TMEM245: variants seen among roughly 807,000 people sequenced by gnomAD.
TMEM245 encodes the protein protein CG-2.
In TMEM245, 69 loss-of-function variants were observed where a neutral mutation model predicts 101.2. The observed-to-expected ratio is 0.68, with a 90% CI of 0.56 to 0.83. TMEM245 has a LOEUF of 0.83. Ranked by LOEUF, TMEM245 falls within the 40% of genes least tolerant of loss-of-function variation. The pLI is 0.00. For missense variants in TMEM245, 1,075 were observed against 1,092.8 expected, an observed-to-expected ratio of 0.98 and a Z score of 0.23; for synonymous variants, 537 against 449.8, an observed-to-expected ratio of 1.19 and a Z score of -2.45.
intron 1 of TMEM245, among the ~76,000 whole-genome samples, chr9:109,113,417 C>CAGAT (rs1830623996): frequency 6.6e-6 from 1 of 152,180 alleles, no homozygotes; most frequent in Non-Finnish European, 1.5e-5. Flanking sequence ...GCCACAGTTA[C>CAGAT]AGATAAGAGG....
chr9:109,047,326 A>G (rs1382237353), intron 14 of TMEM245, among the ~76,000 whole-genome samples: 1 of 152,230 alleles, frequency 6.6e-6, no homozygotes, highest in Non-Finnish European at 1.5e-5. Flanking sequence ...CTAATTTGTA[A>G]AAGACTGATT....
chr9:109,107,007 C>T (rs1178496749), intron 2 of TMEM245, among the ~76,000 whole-genome samples: 4 of 151,032 alleles, frequency 2.6e-5, no homozygotes, highest in Non-Finnish European at 5.9e-5. Flanking sequence ...TACCACCGGG[C>T]GTGAACTTTC....
chr9:109,060,419 T>G lies in TMEM245; in HGVS notation c.1657A>C (p.Thr553Pro), dbSNP rs772367547. 2 of 1,613,664 alleles carry G rather than the reference T, an allele frequency of 1.2e-6. No homozygotes were observed. The highest frequency in any genetic ancestry group is 1.7e-6 in the Non-Finnish European group (2 of 1,179,714). ...AGTACTTGCTTTTCAATTACAGCAG[T>G]ATTGTTCACCTTATCTCCTAGAATT... ...HKILGDKVNNTAVIEKQVLEL... is the reference protein window; with the variant it reads ...HKILGDKVNNPAVIEKQVLEL... The change falls in exon 11 of 18, where the codon ACT becomes CCT. Residue 553 changes from threonine to proline, a missense_variant. Around this residue, in one of 2 missense-constraint regions of TMEM245, gnomAD observed 808 missense variants for 741.5 expected, o/e 1.09. Coordinates refer to ENST00000374586, the MANE Select transcript of TMEM245 (RefSeq NM_032012.4).
chr9:109,068,894 G>C (rs1829250464), intron 9 of TMEM245, among the ~76,000 whole-genome samples: 1 of 152,286 alleles, frequency 6.6e-6, no homozygotes, highest in South Asian at 2.1e-4. Context: ...GATGGGTGTG[G>C]CTGTTAAGGG....
chr9:109,035,798 G>A (rs905715040), intron 16 of TMEM245, among the ~76,000 whole-genome samples: 1 of 151,784 alleles, frequency 6.6e-6, no homozygotes, highest in African/African-American at 2.4e-5. Flanking sequence ...GGCTGGGCAT[G>A]GTGGTTCATT....
rs1278679297 is a variant in TMEM245, at chr9:109,058,347, G to T, written c.1723-1025C>A. On this transcript the variant is annotated intron_variant, in intron 11 of 17. Transcript: ENST00000374586. ...TTACCATACAAGGTAAGGAAAATGAGGACAGAAGAATATAACAAGCAAACG... is the reference window on the plus strand; with the variant it reads ...TTACCATACAAGGTAAGGAAAATGATGACAGAAGAATATAACAAGCAAACG... Among the ~76,000 whole-genome samples, 3 of 151,838 alleles carry T rather than the reference G, an allele frequency of 2.0e-5. No individual in the cohort carries two copies. In the South Asian group the frequency reaches 6.2e-4, roughly 32 times the overall value.
In TMEM245 at chr9:109,033,344, T is replaced by C. The variant is rs769738238; in HGVS notation, c.2557A>G (p.Thr853Ala). The change falls in exon 17 of 18, where the codon ACG becomes GCG. Residue 853 changes from threonine to alanine, a missense_variant. Around this residue, in one of 2 missense-constraint regions of TMEM245, gnomAD observed 267 missense variants for 351.3 expected, o/e 0.76. Coordinates refer to ENST00000374586, the MANE Select transcript of TMEM245 (RefSeq NM_032012.4). ...MLVSPTNSVP[T>A]PNQTPWPAQP... ...GCAGGCCATGGGGTCTGGTTTGGCG[T>C]GGGAACTGAATTCGTGGGACTCACT... 6.2e-6 allele frequency: 10 copies of C among 1,613,392 alleles called. No individual in the cohort carries two copies. The highest frequency in any genetic ancestry group is 8.5e-6 in the Non-Finnish European group (10 of 1,179,674).
chr9:109,024,835 G>A, intron 17 of TMEM245, among the ~76,000 whole-genome samples: 1 of 152,212 alleles, frequency 6.6e-6, no homozygotes, highest in Non-Finnish European at 1.5e-5. Context: ...AAGTCTGACA[G>A]GGCAAATTAA....
chr9:109,044,762 G>GT (rs5899833), intron 14 of TMEM245, among the ~76,000 whole-genome samples: 21,888 of 136,022 alleles, frequency 0.16, 1,912 homozygotes, highest in African/African-American at 0.2. Context: ...TATCATTTTG[G>GT]TTTTTTTTTT....
chr9:109,099,416 A>G (rs1297526712), intron 3 of TMEM245, among the ~76,000 whole-genome samples: 2 of 152,200 alleles, frequency 1.3e-5, no homozygotes, highest in Non-Finnish European at 2.9e-5. Context: ...CTGCAAAGAC[A>G]TTTCTAGTCA....
At chr9:109,095,714 T>C (rs905013369) in intron 3 of TMEM245, among the ~76,000 whole-genome samples, 3 of 152,178 alleles carry the variant, frequency 2.0e-5, no homozygotes, top group Non-Finnish European at 4.4e-5. Context: ...CAAGAAATAA[T>C]CCCAGTGTAC....
chr9:109,060,861 T>C (rs534158728), intron 10 of TMEM245, among the ~76,000 whole-genome samples: 1 of 152,298 alleles, frequency 6.6e-6, no homozygotes, highest in East Asian at 1.9e-4. Flanking sequence ...TAAGTAAAAT[T>C]TTAGGATGTT....
chr9:109,060,459 A>C lies in TMEM245; in HGVS notation c.1624-7T>G. On this transcript the variant is annotated splice_polypyrimidine_tract_variant and splice_region_variant and intron_variant, in intron 10 of 17. Transcript: ENST00000374586. Reference sequence around the variant, plus strand: ...CTCCTAGAATTTTATGGAGCTAGAAAAAAACACAGATACGACGTGGTACAA... The same window carrying C: ...CTCCTAGAATTTTATGGAGCTAGAACAAAACACAGATACGACGTGGTACAA... 1.3e-6 allele frequency: 2 copies of C among 1,587,946 alleles called. No individual in the cohort carries two copies. Among genetic ancestry groups the C allele is most frequent in the Non-Finnish European group, 1.7e-6 (2 of 1,158,004 alleles).
intron 14 of TMEM245, among the ~76,000 whole-genome samples, chr9:109,048,018 G>A (rs1330288029): frequency 6.6e-6 from 1 of 152,210 alleles, no homozygotes; most frequent in East Asian, 1.9e-4. Flanking sequence ...ATTCAGCAAA[G>A]ATGATAGTCA....
chr9:109,083,286 TAA>T (rs1414526880), intron 7 of TMEM245, among the ~76,000 whole-genome samples: 1 of 151,836 alleles, frequency 6.6e-6, no homozygotes, highest in African/African-American at 2.4e-5. Context: ...AAGAGAAACA[TAA>T]AGAGAGGAAG....
chr9:109,056,406 C>A (rs1437289628), intron 12 of TMEM245, among the ~76,000 whole-genome samples: 1 of 135,318 alleles, frequency 7.4e-6, no homozygotes, highest in East Asian at 2.2e-4. Flanking sequence ...CCAGCTTGGG[C>A]CAACATGGAG....
intron 7 of TMEM245, 129 bp downstream of exon 7, chr9:109,085,868 T>C (rs1294483787): frequency 2.0e-6 from 2 of 1,004,738 alleles, no homozygotes; most frequent in South Asian, 1.4e-5. Flanking sequence ...CAACCTTCCA[T>C]AGCTTATAAT....
At chr9:109,031,455 T>A (rs1827942440) in intron 17 of TMEM245, among the ~76,000 whole-genome samples, 1 of 152,254 alleles carries the variant, frequency 6.6e-6, no homozygotes, top group East Asian at 1.9e-4. Flanking sequence ...GAGAAAAACA[T>A]CCAACAATAT....
intron 9 of TMEM245, 115 bp downstream of exon 9, chr9:109,073,241 G>A (rs1829387926): frequency 1.3e-6 from 1 of 787,952 alleles, no homozygotes; most frequent in African/African-American, 1.7e-5. Flanking sequence ...TCAAAGCTCT[G>A]GCAAACCCTA....
Sources: gnomAD v4.1 joint callset for allele counts (sites outside exome capture counted in the v4.1 genomes callset) on GRCh38, gnomAD v4.1.1 for gene constraint, gnomAD v4.1.1 regional missense constraint, MANE v1.5 for transcripts, NCBI Gene and HGNC (gene_info 2026-07-23, HGNC 2026-07-21) for gene names.